SLC16A9: variants seen among roughly 807,000 people sequenced by gnomAD.
SLC16A9 encodes the protein solute carrier family 16 member 9.
In SLC16A9, 26 loss-of-function variants were observed where a neutral mutation model predicts 44.3. The observed-to-expected ratio is 0.59, with a 90% CI of 0.43 to 0.81. The LOEUF is 0.81. SLC16A9 is among the 40% of genes least tolerant of loss of function. The pLI is 0.00. For synonymous variants in SLC16A9, 230 were observed against 225.1 expected (o/e 1.02, Z -0.19); for missense variants, 559 against 595.8 (o/e 0.94, Z 0.64).
At chr10:59,692,636 T>C (rs912830547) in intron 1 of SLC16A9, among the ~76,000 whole-genome samples, 1 of 152,176 alleles carries the variant, frequency 6.6e-6, no homozygotes, top group Non-Finnish European at 1.5e-5. Flanking sequence ...CTGACTCCAA[T>C]GTAGGTAACA....
intron 3 of SLC16A9, 66 bp downstream of exon 3, chr10:59,672,704 C>T (rs1839776798): frequency 1.4e-6 from 2 of 1,444,390 alleles, no homozygotes; most frequent in Admixed American, 2.2e-5. Flanking sequence ...GATCATAAAC[C>T]TGGCACTGGT....
chr10:59,706,999 CAAA>C (rs760131923), intron 1 of SLC16A9, among the ~76,000 whole-genome samples: 6 of 90,500 alleles, frequency 6.6e-5, no homozygotes, highest in Admixed American at 1.2e-4. Flanking sequence ...AACTCCATCT[CAAA>C]AAAAAAAAAA....
chr10:59,699,803 G>A (rs1840481257), intron 1 of SLC16A9, among the ~76,000 whole-genome samples: 1 of 151,514 alleles, frequency 6.6e-6, no homozygotes, highest in Non-Finnish European at 1.5e-5. Flanking sequence ...CCTCTGGCCA[G>A]AACATCCTCG....
chr10:59,692,086 G>C (rs1840265240), intron 1 of SLC16A9, among the ~76,000 whole-genome samples: 1 of 152,152 alleles, frequency 6.6e-6, no homozygotes, highest in South Asian at 2.1e-4. Context: ...AAATATAAAA[G>C]GAGGTCAACA....
intron 2 of SLC16A9, among the ~76,000 whole-genome samples, chr10:59,678,978 C>T (rs1251361683): frequency 6.6e-6 from 1 of 152,138 alleles, no homozygotes; most frequent in Non-Finnish European, 1.5e-5. Flanking sequence ...TGCCAGCACT[C>T]ATAACTCATT....
chr10:59,656,224 A>G (rs1839345952), intron 4 of SLC16A9, among the ~76,000 whole-genome samples: 1 of 152,254 alleles, frequency 6.6e-6, no homozygotes, highest in Admixed American at 6.5e-5. Flanking sequence ...CGCTACAGAA[A>G]ACACACTGAC....
At chr10:59,693,444 G>T (rs913858400) in intron 1 of SLC16A9, among the ~76,000 whole-genome samples, 8 of 152,004 alleles carry the variant, frequency 5.3e-5, no homozygotes. Context: ...AAAAGAAAAA[G>T]AATCCACCCT....
At chr10:59,686,547 C>T (rs1333816215) in intron 1 of SLC16A9, among the ~76,000 whole-genome samples, 1 of 152,090 alleles carries the variant, frequency 6.6e-6, no homozygotes, top group Non-Finnish European at 1.5e-5. Context: ...ATTTTATCCT[C>T]GCTGCTAATA....
rs1177371829 is a variant in SLC16A9 at position 59,651,108 on chromosome 10, C to G, written c.*1664G>C. 1 of 151,812 alleles carries G rather than the reference C, an allele frequency of 6.6e-6. No homozygotes were observed. Among genetic ancestry groups the G allele is most frequent in the Non-Finnish European group, 1.5e-5 (1 of 67,956 alleles). The allele number at this position is 151,812 out of a possible 1,614,324, so 9.4% of individuals were successfully genotyped here. On this transcript the variant is annotated 3_prime_UTR_variant, in exon 6 of 6. Coordinates refer to ENST00000395348, the MANE Select transcript of SLC16A9 (RefSeq NM_194298.3). ...TAGAAGTCCAAGACAACTTGGAGCT[C>G]CATTATTGCATTATTAAGTAGAATG... is the stretch of plus-strand genomic sequence containing the variant.
intron 3 of SLC16A9, among the ~76,000 whole-genome samples, chr10:59,670,905 T>C (rs1839734827): frequency 6.6e-6 from 1 of 152,192 alleles, no homozygotes; most frequent in Non-Finnish European, 1.5e-5. Flanking sequence ...GTGGTAAATA[T>C]TAATAATTTG....
chr10:59,657,850 A>G (rs996252006), intron 4 of SLC16A9, among the ~76,000 whole-genome samples: 6 of 152,032 alleles, frequency 3.9e-5, no homozygotes, highest in Admixed American at 6.6e-5. Context: ...CAGCTGATGG[A>G]CCCTCCCCTT....
intron 4 of SLC16A9, among the ~76,000 whole-genome samples, chr10:59,657,764 T>G (rs757536587): frequency 2.6e-5 from 4 of 152,168 alleles, no homozygotes; most frequent in African/African-American, 9.7e-5. Flanking sequence ...TACACATACA[T>G]CCCTTTCATA....
intron 4 of SLC16A9, among the ~76,000 whole-genome samples, chr10:59,661,856 A>G (rs1839482498): frequency 6.6e-6 from 1 of 151,942 alleles, no homozygotes; most frequent in African/African-American, 2.4e-5. Flanking sequence ...CTGATCTTTG[A>G]CAAACCTGAC....
intron 1 of SLC16A9, among the ~76,000 whole-genome samples, chr10:59,699,831 C>A (rs1458972099): frequency 6.6e-6 from 1 of 151,524 alleles, no homozygotes; most frequent in East Asian, 1.9e-4. Flanking sequence ...TCCTTCCCTG[C>A]CATAATAGGA....
At chr10:59,661,919 A>AG (rs1839483566) in intron 4 of SLC16A9, among the ~76,000 whole-genome samples, 1 of 152,210 alleles carries the variant, frequency 6.6e-6, no homozygotes, top group South Asian at 2.1e-4. Flanking sequence ...TGTTGGGAAA[A>AG]CAGGCTAGCC....
At chr10:59,704,592 C>A (rs1455931819) in intron 1 of SLC16A9, among the ~76,000 whole-genome samples, 3 of 152,138 alleles carry the variant, frequency 2.0e-5, no homozygotes, top group African/African-American at 7.2e-5. Flanking sequence ...AAAGTAAATA[C>A]AAAAATAAAG....
At chr10:59,683,899 T>C (rs1840074525) in intron 2 of SLC16A9, among the ~76,000 whole-genome samples, 197 bp downstream of exon 2, 1 of 152,238 alleles carries the variant, frequency 6.6e-6, no homozygotes. Flanking sequence ...GAATTGATGG[T>C]TGATTTAACA....
intron 1 of SLC16A9, among the ~76,000 whole-genome samples, chr10:59,697,023 G>T (rs1429273709): frequency 1.1e-5 from 1 of 94,430 alleles, no homozygotes; most frequent in Non-Finnish European, 2.3e-5. Context: ...CCGTCCGGGA[G>T]GTGAGGGGCG....
rs777005469 is a variant in SLC16A9, at chr10:59,654,200, T to C, written c.826A>G (p.Thr276Ala). Residue 276 changes from threonine to alanine, a missense_variant, in exon 5 of 6, where the codon ACA becomes GCA. Thr to Ala is a moderately conservative substitution (Grantham distance 58). Transcript: ENST00000395348. Reference protein sequence around the residue: ...ETYKKKVAEQTYFCKQLAKRK... With the variant: ...ETYKKKVAEQAYFCKQLAKRK... The stretch of plus-strand genomic sequence containing the variant: ...TTGGCAAGCTGTTTGCAAAAATATG[T>C]CTGTTCTGCAACTTTCTTTTTGTAC... 6 of 1,614,146 alleles carry C rather than the reference T, an allele frequency of 3.7e-6. No individual in the cohort carries two copies. Among genetic ancestry groups the C allele is most frequent in the Non-Finnish European group, 5.1e-6 (6 of 1,180,000 alleles).
Sources: allele counts gnomAD v4.1 joint callset (sites outside exome capture counted in the v4.1 genomes callset), GRCh38; gene constraint gnomAD v4.1.1; transcripts MANE v1.5; gene names NCBI Gene and HGNC (gene_info 2026-07-23, HGNC 2026-07-21).